Variants in RGS6 observed in about 807,000 individuals in gnomAD.
RGS6 encodes regulator of G-protein signaling 6.
RGS6 carries 30 observed loss-of-function variants against 78.5 expected under a neutral mutation model. The ratio of observed to expected loss-of-function variants is 0.38; its 90% CI spans 0.29 to 0.52. The LOEUF (loss-of-function observed/expected upper bound fraction) is 0.52. RGS6 is among the 20% of genes least tolerant of loss of function. The pLI is 0.85. For synonymous variants in RGS6, 206 were observed against 206.0 expected, an observed-to-expected ratio of 1.00 and a Z score of 0.00; for missense variants, 495 against 609.7, an observed-to-expected ratio of 0.81 and a Z score of 1.98.
intron 14 of RGS6, among the ~76,000 whole-genome samples, chr14:72,512,097 T>C (rs2153450085): frequency 6.6e-6 from 1 of 151,770 alleles, no homozygotes; most frequent in African/African-American, 2.4e-5. Context: ...CCCCTGGGAG[T>C]CCTTCTCATC....
At chr14:72,121,701 G>C (rs2096057087) in intron 2 of RGS6, among the ~76,000 whole-genome samples, 1 of 152,108 alleles carries the variant, frequency 6.6e-6, no homozygotes, top group Non-Finnish European at 1.5e-5. Context: ...AACCTCTTCT[G>C]TACTAGGTCT....
chr14:72,383,551 A>G (rs1566685425), intron 3 of RGS6, among the ~76,000 whole-genome samples: 2 of 152,126 alleles, frequency 1.3e-5, no homozygotes, highest in East Asian at 3.8e-4. Context: ...ATTATCATCC[A>G]TTCTGCTTAT....
chr14:72,415,315 C>G (rs1406626917), intron 3 of RGS6, among the ~76,000 whole-genome samples: 1 of 149,220 alleles, frequency 6.7e-6, no homozygotes, highest in African/African-American at 2.6e-5. Flanking sequence ...GAGCGAAGCT[C>G]CGTGGGCATA....
intron 2 of RGS6, among the ~76,000 whole-genome samples, chr14:72,227,883 G>C (rs974178896): frequency 2.0e-5 from 3 of 152,092 alleles, no homozygotes; most frequent in Non-Finnish European, 2.9e-5. Flanking sequence ...GACTGGGGAG[G>C]GGGGAAGAGC....
chr14:72,398,106 G>A (rs777141975), intron 3 of RGS6, among the ~76,000 whole-genome samples: 169 of 152,234 alleles, frequency 1.1e-3, no homozygotes, highest in Non-Finnish European at 2.0e-3. Context: ...CTATTGATTG[G>A]AATAGTTTCA....
At chr14:72,555,658 A>G (rs1482771844) in intron 17 of RGS6, among the ~76,000 whole-genome samples, 1 of 152,200 alleles carries the variant, frequency 6.6e-6, no homozygotes, top group Non-Finnish European at 1.5e-5. Flanking sequence ...AAGGCCGACC[A>G]ACTCAGCTTT....
intron 2 of RGS6, among the ~76,000 whole-genome samples, chr14:72,048,720 T>C (rs2093036399): frequency 6.6e-6 from 1 of 152,118 alleles, no homozygotes; most frequent in South Asian, 2.1e-4. Flanking sequence ...AAAATTGAGA[T>C]ATGAAATTAT....
At chr14:72,111,034 C>T (rs1008252978) in intron 2 of RGS6, among the ~76,000 whole-genome samples, 5 of 152,090 alleles carry the variant, frequency 3.3e-5, no homozygotes, top group Non-Finnish European at 2.9e-5. Flanking sequence ...CTCATTGTTC[C>T]TCAAATCAAA....
chr14:72,239,441 C>G (rs985636804), intron 2 of RGS6, among the ~76,000 whole-genome samples: 1 of 152,216 alleles, frequency 6.6e-6, no homozygotes, highest in African/African-American at 2.4e-5. Flanking sequence ...GAGATTGTCT[C>G]TCCCTGGTGC....
At chr14:72,523,506 G>A (rs2097078471) in intron 15 of RGS6, among the ~76,000 whole-genome samples, 1 of 152,126 alleles carries the variant, frequency 6.6e-6, no homozygotes, top group African/African-American at 2.4e-5. Flanking sequence ...CCAGATTTAT[G>A]GATTCACTGG....
At chr14:71,904,665 G>A in the RGS6 span, among the ~76,000 whole-genome samples, 1 of 152,108 alleles carries the variant, frequency 6.6e-6, no homozygotes, top group African/African-American at 2.4e-5. Context: ...AGTCAGAGTT[G>A]GGTTTTCTCT....
In RGS6 at chr14:72,426,205, C is replaced by T. The variant is rs534566978; in HGVS notation, c.185-28323C>T. Among the ~76,000 whole-genome samples, 3 of 152,258 alleles carry T rather than the reference C, an allele frequency of 2.0e-5. No homozygotes were observed. The East Asian group carries it at 5.8e-4, about 29-fold the overall frequency. The stretch of plus-strand genomic sequence containing the variant: ...CCTCTGAGTTCATGTATATTAAGCC[C>T]TTAACATAATTCTTAGAGTTAAGCA... On this transcript the variant is annotated intron_variant, in intron 3 of 17. Transcript: ENST00000553525.
intron 2 of RGS6, among the ~76,000 whole-genome samples, chr14:72,170,884 G>A (rs2097004021): frequency 6.6e-6 from 1 of 152,160 alleles, no homozygotes; most frequent in South Asian, 2.1e-4. Flanking sequence ...CAAGATGGAT[G>A]AGTTATTGGG....
chr14:72,205,816 G>A (rs2042575953), intron 2 of RGS6, among the ~76,000 whole-genome samples: 2 of 152,192 alleles, frequency 1.3e-5, no homozygotes, highest in Admixed American at 1.3e-4. Context: ...CCGAAATGCT[G>A]TTTATTTGCC....
chr14:72,339,483 G>T (rs749276057), intron 2 of RGS6, among the ~76,000 whole-genome samples: 1 of 152,198 alleles, frequency 6.6e-6, no homozygotes, highest in Non-Finnish European at 1.5e-5. Flanking sequence ...AGCCCATTCT[G>T]TTGAATCCTT....
intron 2 of RGS6, among the ~76,000 whole-genome samples, chr14:72,151,624 G>A (rs989888570): frequency 2.6e-5 from 4 of 152,152 alleles, no homozygotes; most frequent in African/African-American, 9.7e-5. Context: ...TACAGTTGAC[G>A]GGATGGCATC....
At chr14:72,204,906 A>G (rs933968545) in intron 2 of RGS6, among the ~76,000 whole-genome samples, 1 of 152,150 alleles carries the variant, frequency 6.6e-6, no homozygotes, top group Non-Finnish European at 1.5e-5. Context: ...TCTTTAATAT[A>G]AGATTAAATA....
intron 2 of RGS6, among the ~76,000 whole-genome samples, chr14:72,272,143 C>T (rs2153925255): frequency 6.6e-6 from 1 of 152,284 alleles, no homozygotes; most frequent in African/African-American, 2.4e-5. Context: ...CTTCCTACCA[C>T]CAACCCTCAT....
intron 2 of RGS6, among the ~76,000 whole-genome samples, chr14:72,237,724 A>C (rs1435486346): frequency 6.6e-6 from 1 of 152,112 alleles, no homozygotes; most frequent in African/African-American, 2.4e-5. Flanking sequence ...CACCATGCTC[A>C]AACCCCCTGC....
Sources: gnomAD v4.1 joint callset for allele counts (sites outside exome capture counted in the v4.1 genomes callset) on GRCh38, gnomAD v4.1.1 for gene constraint, MANE v1.5 for transcripts, NCBI Gene and HGNC (gene_info 2026-07-23, HGNC 2026-07-21) for gene names.